Variants in SATB2 observed in about 807,000 individuals in gnomAD.
SATB2 encodes DNA-binding protein SATB2.
SATB2 carries 1 observed loss-of-function variant against 73.4 expected under a neutral mutation model. The observed-to-expected ratio is 0.01, with a 90% CI of 0.00 to 0.06. The LOEUF is 0.06. SATB2 is among the 10% of genes least tolerant of loss of function. The pLI is 1.00. For synonymous variants in SATB2, 397 were observed against 367.0 expected (o/e 1.08, Z -0.93); for missense variants, 459 against 945.8 (o/e 0.49, Z 6.75).
chr2:199,457,499 G>C lies in SATB2; in HGVS notation c.-220C>G, dbSNP rs1205971153. On this transcript the variant is annotated 5_prime_UTR_variant, in exon 1 of 11. Transcript: ENST00000417098. The surrounding 1 kb of genome is among the most constrained non-coding windows in gnomAD (Gnocchi z 4.8). ...CTCTTCCCCAGGTCCTAATGTTTAAGGTCCTGGGTCAGGGTGTCTTCTTCT... is the reference window on the plus strand; with the variant it reads ...CTCTTCCCCAGGTCCTAATGTTTAACGTCCTGGGTCAGGGTGTCTTCTTCT... 1 of 152,390 alleles carries C rather than the reference G, an allele frequency of 6.6e-6. No individual in the cohort carries two copies. The highest frequency in any genetic ancestry group is 1.9e-4 in the East Asian group (1 of 5,154). The allele number at this position is 152,390 out of a possible 1,614,324, so 9.4% of individuals were successfully genotyped here.
In SATB2 at chr2:199,402,195, G is replaced by T. The variant is rs1027234722; in HGVS notation, c.347-20375C>A. On this transcript the variant is annotated intron_variant, in intron 3 of 10. Transcript: ENST00000417098. ...AGGTCAAGAGATTGAGACCATCCTG[G>T]CCAACATGGTGAAACCCCGTCTCTA... Among the ~76,000 whole-genome samples the T allele has an allele frequency of 2.0e-5, 3 of 152,076 alleles. 1 individual carries two copies. Among genetic ancestry groups the T allele is most frequent in the Admixed American group, 2.0e-4 (3 of 15,262 alleles).
chr2:199,428,296 T>C (rs1691395360), intron 3 of SATB2, among the ~76,000 whole-genome samples: 1 of 152,248 alleles, frequency 6.6e-6, no homozygotes, highest in South Asian at 2.1e-4. Flanking sequence ...TAATGAAGTC[T>C]GTCTCTGTTA....
intron 6 of SATB2, among the ~76,000 whole-genome samples, 159 bp downstream of exon 6, chr2:199,368,446 G>C (rs1689350915): frequency 6.6e-6 from 1 of 151,996 alleles, no homozygotes. Context: ...TTAGTTTTAA[G>C]GGAGCCAACT....
At chr2:199,425,605 G>A (rs565058685) in intron 3 of SATB2, among the ~76,000 whole-genome samples, 29 of 152,216 alleles carry the variant, frequency 1.9e-4, no homozygotes, top group African/African-American at 5.1e-4. Context: ...TAGGTATCCC[G>A]AAAATCAAGT....
chr2:199,451,742 A>T (rs1559063295), intron 2 of SATB2, among the ~76,000 whole-genome samples: 2 of 152,122 alleles, frequency 1.3e-5, no homozygotes, highest in Non-Finnish European at 2.9e-5. Context: ...CCACATGTAG[A>T]CAATTAAACT....
chr2:199,350,916 G>A (rs1181551450), intron 6 of SATB2, among the ~76,000 whole-genome samples: 1 of 151,460 alleles, frequency 6.6e-6, no homozygotes, highest in African/African-American at 2.4e-5. Context: ...CCAGATATTC[G>A]GGACGCTGAA....
At chr2:199,355,320 ATGTATGTG>A (rs1688940282) in intron 6 of SATB2, among the ~76,000 whole-genome samples, 2 of 114,746 alleles carry the variant, frequency 1.7e-5, no homozygotes, top group African/African-American at 4.6e-5. Flanking sequence ...GTATATACAT[ATGTATGTG>A]TGTGTGTGTG....
intron 10 of SATB2, among the ~76,000 whole-genome samples, chr2:199,290,430 T>C (rs1692822874): frequency 6.6e-6 from 1 of 152,210 alleles, no homozygotes. Flanking sequence ...TATATACGTC[T>C]ACACAGGCAA....
At chr2:199,333,723 G>T (rs1688257226) in intron 7 of SATB2, among the ~76,000 whole-genome samples, 1 of 152,110 alleles carries the variant, frequency 6.6e-6, no homozygotes, top group Non-Finnish European at 1.5e-5. Context: ...AAAATGAAGT[G>T]ATATTAGATA....
chr2:199,320,463 G>A lies in SATB2; in HGVS notation c.1542+3340C>T, dbSNP rs188433251. The stretch of plus-strand genomic sequence containing the variant: ...TATCCTTCTTGGACTCCTTTCCCAC[G>A]AAGAAAGGGGCAAGGGCCTGATAGA... On this transcript the variant is annotated intron_variant, in intron 9 of 10. Transcript: ENST00000417098. Among the ~76,000 whole-genome samples the A allele has an allele frequency of 3.2e-3, 491 of 152,174 alleles. 3 individuals carry two copies. Among genetic ancestry groups the A allele is most frequent in the Non-Finnish European group, 5.1e-3 (347 of 67,994 alleles).
At chr2:199,279,009 C>A (rs1383821684) in intron 10 of SATB2, among the ~76,000 whole-genome samples, 4 of 152,216 alleles carry the variant, frequency 2.6e-5, no homozygotes, top group African/African-American at 9.6e-5. Flanking sequence ...CAATTAAGGT[C>A]TGATGAATAA....
At chr2:199,389,384 T>C (rs1001198178) in intron 3 of SATB2, among the ~76,000 whole-genome samples, 1 of 152,162 alleles carries the variant, frequency 6.6e-6, no homozygotes, top group Non-Finnish European at 1.5e-5. Flanking sequence ...TGAAACAGCA[T>C]TTTTGAGTCA....
chr2:199,459,739 T>C (rs1223284566), upstream of SATB2: 1 of 152,564 alleles, frequency 6.6e-6, no homozygotes, highest in Non-Finnish European at 1.5e-5. This position sits in a 1 kb window ranked among gnomAD's most constrained non-coding sequence, Gnocchi z 4.2. Context: ...CAAACTAAGT[T>C]CGGTTTCGGG....
rs921084055 is a variant in SATB2, at chr2:199,270,480, T to C, written c.*1731A>G. ...ACTTTCAAAGTGATATTGCATGAGG[T>C]CTTTGACAAGGTTTTGTGAAAGCAC... On this transcript the variant is annotated 3_prime_UTR_variant, in exon 11 of 11. Coordinates refer to ENST00000417098, the MANE Select transcript of SATB2 (RefSeq NM_001172509.2). 11 of 149,626 alleles carry C rather than the reference T, an allele frequency of 7.4e-5. No homozygotes were observed. The highest frequency in any genetic ancestry group is 2.2e-4 in the African/African-American group (9 of 40,680). The allele number at this position is 149,626 out of a possible 1,614,324, so 9.3% of individuals were successfully genotyped here.
chr2:199,365,500 T>C (rs985397550), intron 6 of SATB2, among the ~76,000 whole-genome samples: 2 of 152,088 alleles, frequency 1.3e-5, no homozygotes, highest in Admixed American at 6.6e-5. Context: ...TGATTGTCTT[T>C]GAAATTAAAG....
chr2:199,363,649 A>C (rs1337131391), intron 6 of SATB2, among the ~76,000 whole-genome samples: 1 of 152,218 alleles, frequency 6.6e-6, no homozygotes, highest in Non-Finnish European at 1.5e-5. Context: ...TGTTCTCATC[A>C]CAAAAAATGT....
At chr2:199,377,053 C>A (rs1367735104) in intron 5 of SATB2, among the ~76,000 whole-genome samples, 1 of 152,074 alleles carries the variant, frequency 6.6e-6, no homozygotes, top group East Asian at 1.9e-4. Context: ...ACTTAACAGG[C>A]AAAATGATTT....
chr2:199,276,570 T>A (rs932682493), intron 10 of SATB2, among the ~76,000 whole-genome samples: 1 of 152,132 alleles, frequency 6.6e-6, no homozygotes, highest in African/African-American at 2.4e-5. Flanking sequence ...ATATTTTAAG[T>A]CACAAAATTC....
In SATB2 at chr2:199,455,628, C is replaced by A. The variant is rs1692249801; in HGVS notation, c.169+241G>T. 6.6e-6 allele frequency among the ~76,000 whole-genome samples: 1 copy of A among 152,248 alleles called. No individual in the cohort carries two copies. Among genetic ancestry groups the A allele is most frequent in the Non-Finnish European group, 1.5e-5 (1 of 68,046 alleles). ...TGGCTGTGACATAAACCTGCCAACA[C>A]CTCAGCACACAGTGGCAAAATGCCC... is the stretch of plus-strand genomic sequence containing the variant. On this transcript the variant is annotated intron_variant, in intron 2 of 10. Transcript: ENST00000417098. The surrounding 1 kb of genome is among the most constrained non-coding windows in gnomAD (Gnocchi z 4.1).
Sources: allele counts gnomAD v4.1 joint callset (sites outside exome capture counted in the v4.1 genomes callset), GRCh38; gene constraint gnomAD v4.1.1; non-coding constraint Gnocchi (gnomAD v3.1); transcripts MANE v1.5; gene names NCBI Gene and HGNC (gene_info 2026-07-23, HGNC 2026-07-21).